CA10: variants seen among roughly 807,000 people sequenced by gnomAD.
The protein encoded by CA10 is carbonic anhydrase-related protein 10.
In CA10, 14 loss-of-function variants were observed where a neutral mutation model predicts 44.2. That is an observed-to-expected ratio of 0.32 (90% CI 0.21 to 0.50). CA10 has a LOEUF of 0.50. CA10 is among the 20% of genes least tolerant of loss of function. The pLI, the probability that CA10 is intolerant of heterozygous loss-of-function variation, is 0.99. For synonymous variants in CA10, 159 were observed against 141.6 expected (o/e 1.12, Z -0.87); for missense variants, 350 against 409.7 (o/e 0.85, Z 1.26).
chr17:51,728,332 G>C (rs530313424), intron 4 of CA10, among the ~76,000 whole-genome samples: 2 of 151,706 alleles, frequency 1.3e-5, no homozygotes, highest in Non-Finnish European at 2.9e-5. Context: ...ACAACACTAT[G>C]AACTAAATTA....
At chr17:51,949,637 C>A (rs138871968) in intron 2 of CA10, among the ~76,000 whole-genome samples, 3 of 152,060 alleles carry the variant, frequency 2.0e-5, no homozygotes, top group African/African-American at 7.2e-5. Context: ...TGTAAGCCAA[C>A]GCAGAACTCC....
chr17:51,815,587 T>C (rs1192807135), intron 3 of CA10, among the ~76,000 whole-genome samples: 1 of 152,106 alleles, frequency 6.6e-6, no homozygotes, highest in Non-Finnish European at 1.5e-5. Flanking sequence ...AAGCCATCCA[T>C]GAGACCTTCC....
intron 3 of CA10, among the ~76,000 whole-genome samples, chr17:51,831,704 A>AGCG (rs1567854617): frequency 3.4e-5 from 5 of 148,766 alleles, no homozygotes; most frequent in Admixed American, 6.7e-5. Context: ...CAGCAGCAGC[A>AGCG]GCAGCAGCAG....
chr17:52,107,923 A>AG (rs1988695167), intron 1 of CA10, among the ~76,000 whole-genome samples: 1 of 152,116 alleles, frequency 6.6e-6, no homozygotes, highest in Admixed American at 6.5e-5. Flanking sequence ...TTCTACTATG[A>AG]GAAAAAGCAG....
chr17:51,975,239 A>T (rs949897632), intron 2 of CA10, among the ~76,000 whole-genome samples: 5 of 152,224 alleles, frequency 3.3e-5, no homozygotes, highest in African/African-American at 1.2e-4. Flanking sequence ...ACAAATAGAA[A>T]GCAAAAATGA....
At chr17:51,677,893 C>CG (rs983496731) in intron 4 of CA10, among the ~76,000 whole-genome samples, 6 of 125,268 alleles carry the variant, frequency 4.8e-5, no homozygotes, top group Admixed American at 2.5e-4. Context: ...ACACCCCCCC[C>CG]CCCACCGGCT....
intron 1 of CA10, among the ~76,000 whole-genome samples, chr17:52,134,260 C>T (rs1416351586): frequency 6.6e-6 from 1 of 152,166 alleles, no homozygotes; most frequent in South Asian, 2.1e-4. Flanking sequence ...AAATAACCTC[C>T]CATCAGCTTC....
chr17:52,045,999 A>G (rs1986902013), intron 2 of CA10, among the ~76,000 whole-genome samples: 1 of 152,024 alleles, frequency 6.6e-6, no homozygotes, highest in Non-Finnish European at 1.5e-5. Flanking sequence ...GTCAAAAATT[A>G]CAGAGAAATA....
At chr17:51,818,134 G>A (rs145870644) in intron 3 of CA10, among the ~76,000 whole-genome samples, 1 of 152,280 alleles carries the variant, frequency 6.6e-6, no homozygotes, top group African/African-American at 2.4e-5. Flanking sequence ...GAATTGCTGT[G>A]TGATCCTAAG....
At chr17:51,855,060 G>A (rs1316467098) in intron 3 of CA10, among the ~76,000 whole-genome samples, 1 of 152,160 alleles carries the variant, frequency 6.6e-6, no homozygotes, top group African/African-American at 2.4e-5. Context: ...TAGGAAGAGA[G>A]GTGGAAAGAG....
intron 2 of CA10, among the ~76,000 whole-genome samples, chr17:52,017,395 A>G (rs949039370): frequency 6.6e-6 from 1 of 152,150 alleles, no homozygotes; most frequent in Admixed American, 6.5e-5. Context: ...TAAGTCTCAT[A>G]TGAAAATGAG....
chr17:51,839,984 T>C lies in CA10; in HGVS notation c.279+91006A>G, dbSNP rs190858737. ...TAGAAAGTAAATACTCAACTCCTTT[T>C]ACAGATAAAAACTCGGGCTCATGTG... On this transcript the variant is annotated intron_variant, in intron 3 of 8. Coordinates refer to ENST00000451037, the MANE Select transcript of CA10 (RefSeq NM_020178.5). 2.3e-4 allele frequency among the ~76,000 whole-genome samples: 35 copies of C among 152,332 alleles called. No homozygotes were observed. In the East Asian group the frequency reaches 2.3e-3, roughly 10 times the overall value.
chr17:52,090,282 C>T (rs1171427573), intron 1 of CA10, among the ~76,000 whole-genome samples: 1 of 152,100 alleles, frequency 6.6e-6, no homozygotes, highest in Non-Finnish European at 1.5e-5. Context: ...AGGGATTCTT[C>T]AGTAACTTAA....
At chr17:51,878,030 G>T (rs1218851287) in intron 3 of CA10, among the ~76,000 whole-genome samples, 1 of 150,724 alleles carries the variant, frequency 6.6e-6, no homozygotes, top group African/African-American at 2.4e-5. Context: ...TGTAGTCCCA[G>T]CTACTCGGGA....
intron 4 of CA10, among the ~76,000 whole-genome samples, chr17:51,731,370 C>T (rs1300576854): frequency 6.6e-5 from 10 of 151,742 alleles, no homozygotes; most frequent in South Asian, 4.2e-4. Flanking sequence ...GACGAGACTC[C>T]GTCTCAAGAA....
Position 52,098,100 on chromosome 17 carries a change from T to C in CA10, c.62-25707A>G, listed in dbSNP as rs147256309. ...TTGATGGGTTGGTGCCCAGAACTGC[T>C]GTTACATATTTGACTGTCATATTTG... On this transcript the variant is annotated intron_variant, in intron 1 of 8. Transcript: ENST00000451037. Among the ~76,000 whole-genome samples the C allele has an allele frequency of 2.6e-5, 4 of 152,264 alleles. No individual in the cohort carries two copies. In the East Asian group the frequency reaches 7.7e-4, roughly 29 times the overall value.
chr17:51,918,172 A>C (rs1339245357), intron 3 of CA10, among the ~76,000 whole-genome samples: 1 of 152,244 alleles, frequency 6.6e-6, no homozygotes, highest in Non-Finnish European at 1.5e-5. Context: ...GCAACGATGC[A>C]TTAAATAGCA....
chr17:51,846,217 A>G (rs1368652614), intron 3 of CA10, among the ~76,000 whole-genome samples: 1 of 152,256 alleles, frequency 6.6e-6, no homozygotes, highest in Non-Finnish European at 1.5e-5. Context: ...TTAAAGGCCC[A>G]TCATTATCAA....
chr17:51,856,778 C>T (rs1239602840), intron 3 of CA10, among the ~76,000 whole-genome samples: 2 of 152,048 alleles, frequency 1.3e-5, no homozygotes, highest in Non-Finnish European at 2.9e-5. Context: ...TCTGAGGAAC[C>T]CCAAGTTGAA....
Sources: gnomAD v4.1 joint callset for allele counts (sites outside exome capture counted in the v4.1 genomes callset) on GRCh38, gnomAD v4.1.1 for gene constraint, MANE v1.5 for transcripts, NCBI Gene and HGNC (gene_info 2026-07-23, HGNC 2026-07-21) for gene names.